Variants in TRAPPC9 observed in about 807,000 individuals in gnomAD.
TRAPPC9 encodes trafficking protein particle complex subunit 9, also known as IKK2 binding protein.
A neutral mutation model predicts 124.0 loss-of-function variants in TRAPPC9; 83 were observed. The observed-to-expected ratio is 0.67, with a 90% CI of 0.56 to 0.80. The LOEUF is 0.80. TRAPPC9 is among the 30% of genes least tolerant of loss of function. TRAPPC9 has a pLI of 0.00. For missense variants in TRAPPC9, 1,302 were observed against 1,508.3 expected (o/e 0.86, Z 2.27); for synonymous variants, 638 against 617.5 (o/e 1.03, Z -0.49).
chr8:140,115,363 G>A (rs1359269790), intron 17 of TRAPPC9, among the ~76,000 whole-genome samples: 1 of 151,712 alleles, frequency 6.6e-6, no homozygotes, highest in Non-Finnish European at 1.5e-5. Context: ...TGCCTCCCAG[G>A]TTCAAGCAAC....
rs558279734 is a variant in TRAPPC9 at position 139,825,640 on chromosome 8, A to G, written c.3055+60239T>C. Among the ~76,000 whole-genome samples, 1 of 152,256 alleles carries G rather than the reference A, an allele frequency of 6.6e-6. No individual in the cohort carries two copies. Among genetic ancestry groups the G allele is most frequent in the South Asian group, 2.1e-4 (1 of 4,826 alleles). ...GAAAAAAGTCACTTCCACCCGGGGG[A>G]AATTTCATGGCTCTGGTTTGTTTGC... On this transcript the variant is annotated intron_variant, in intron 21 of 22. Coordinates refer to ENST00000438773, the MANE Select transcript of TRAPPC9 (RefSeq NM_001160372.4). The surrounding 1 kb of genome is among the most constrained non-coding windows in gnomAD (Gnocchi z 4.6).
In TRAPPC9 at chr8:140,270,903, C is replaced by A. The variant is rs138162362; in HGVS notation, c.2278+4755G>T. On this transcript the variant is annotated intron_variant, in intron 15 of 22. Coordinates refer to ENST00000438773, the MANE Select transcript of TRAPPC9 (RefSeq NM_001160372.4). ...CCACACAGGGCCGCGGGGGCCAGGG[C>A]GACAGCAGCCACTCATGGATTTCTG... Among the ~76,000 whole-genome samples, 57 of 152,248 alleles carry A rather than the reference C, an allele frequency of 3.7e-4. No homozygotes were observed. The East Asian group carries it at 4.8e-3, about 13-fold the overall frequency.
intron 16 of TRAPPC9, among the ~76,000 whole-genome samples, chr8:140,227,471 T>C (rs1451769665): frequency 6.6e-6 from 1 of 152,178 alleles, no homozygotes; most frequent in Non-Finnish European, 1.5e-5. Flanking sequence ...TGGTAGATCA[T>C]CATGAATAAA....
intron 18 of TRAPPC9, among the ~76,000 whole-genome samples, chr8:140,006,577 T>C (rs1285368876): frequency 1.3e-5 from 2 of 152,186 alleles, no homozygotes; most frequent in Non-Finnish European, 1.5e-5. Context: ...TTATTCACAA[T>C]AGCAGAAAAG....
intron 18 of TRAPPC9, among the ~76,000 whole-genome samples, chr8:140,013,125 C>G (rs1357295570): frequency 6.6e-6 from 1 of 152,180 alleles, no homozygotes; most frequent in Non-Finnish European, 1.5e-5. Context: ...ATAATTAATG[C>G]TTTTGTGAAA....
At chr8:140,026,239 T>C (rs2131938698) in intron 17 of TRAPPC9, among the ~76,000 whole-genome samples, 1 of 152,316 alleles carries the variant, frequency 6.6e-6, no homozygotes, top group South Asian at 2.1e-4. Flanking sequence ...TACTCATCCA[T>C]TCGTCTGTCA....
chr8:140,076,168 T>G (rs886993014), intron 17 of TRAPPC9, among the ~76,000 whole-genome samples: 2 of 152,198 alleles, frequency 1.3e-5, no homozygotes, highest in African/African-American at 4.8e-5. Context: ...AGCAGCACTG[T>G]GACGAGTCTA....
intron 17 of TRAPPC9, among the ~76,000 whole-genome samples, chr8:140,054,131 C>G (rs1378817448): frequency 1.3e-5 from 2 of 152,120 alleles, no homozygotes; most frequent in African/African-American, 4.8e-5. Flanking sequence ...TGGCTACACA[C>G]AGACATAAAG....
intron 19 of TRAPPC9, among the ~76,000 whole-genome samples, chr8:139,944,058 A>G (rs1171838257): frequency 6.6e-6 from 1 of 152,208 alleles, no homozygotes; most frequent in Non-Finnish European, 1.5e-5. Flanking sequence ...TAATCTTAAG[A>G]ACTTTGGCAA....
intron 1 of TRAPPC9, among the ~76,000 whole-genome samples, chr8:140,455,921 C>T (rs755067323): frequency 6.6e-6 from 1 of 152,160 alleles, no homozygotes; most frequent in Non-Finnish European, 1.5e-5. Context: ...ATACAAAAGG[C>T]CACATGTTGT....
At chr8:140,294,371 TC>T (rs1222231060) in intron 11 of TRAPPC9, among the ~76,000 whole-genome samples, 1 of 152,048 alleles carries the variant, frequency 6.6e-6, no homozygotes, top group African/African-American at 2.4e-5. Context: ...ATGGTCAGCA[TC>T]CCAGACCACT....
intron 5 of TRAPPC9, among the ~76,000 whole-genome samples, chr8:140,406,225 G>A (rs1446865335): frequency 6.6e-6 from 1 of 152,084 alleles, no homozygotes; most frequent in Non-Finnish European, 1.5e-5. Flanking sequence ...AAACCCACAT[G>A]GACAAGCATT....
intron 17 of TRAPPC9, among the ~76,000 whole-genome samples, chr8:140,219,183 G>T (rs191635038): frequency 1.5e-3 from 233 of 152,184 alleles, no homozygotes; most frequent in African/African-American, 5.3e-3. Context: ...AATAAATCAG[G>T]GAAGAAAGGA....
intron 19 of TRAPPC9, among the ~76,000 whole-genome samples, chr8:139,980,493 G>A (rs1212132791): frequency 3.3e-5 from 5 of 152,204 alleles, no homozygotes; most frequent in Non-Finnish European, 5.9e-5. Flanking sequence ...CCAGCCGTGC[G>A]ATCTGGAGGG....
In TRAPPC9 at chr8:140,252,887, G is replaced by T. The variant is rs1213193832; in HGVS notation, c.2321C>A (p.Thr774Asn). ...AGGCTGCAAAGGGAACTGGGCAAGGGTTTCCTCTAGCTTCCAGCTCAAGAA... is the reference window on the plus strand; with the variant it reads ...AGGCTGCAAAGGGAACTGGGCAAGGTTTTCCTCTAGCTTCCAGCTCAAGAA... Reference protein sequence around the residue: ...GDFLSWKLEETLAQFPLQPGK... With the variant: ...GDFLSWKLEENLAQFPLQPGK... Residue 774 changes from threonine (T) to asparagine (N), a missense_variant, in exon 16 of 23, where the codon ACC becomes AAC. By Grantham distance (65) the Thr-to-Asn change is moderately conservative. Around this residue, in one of 3 missense-constraint regions of TRAPPC9, gnomAD observed 640 missense variants for 679.3 expected, o/e 0.94. Transcript: ENST00000438773. This position sits in a 1 kb window ranked among gnomAD's most constrained non-coding sequence, Gnocchi z 4.2. 4 of 1,614,102 alleles carry T rather than the reference G, an allele frequency of 2.5e-6. No individual in the cohort carries two copies. The highest frequency in any genetic ancestry group is 2.5e-6 in the Non-Finnish European group (3 of 1,180,026).
intron 18 of TRAPPC9, among the ~76,000 whole-genome samples, chr8:140,002,694 T>C (rs1180897656): frequency 6.6e-6 from 1 of 152,024 alleles, no homozygotes. Flanking sequence ...GGTGAAAGAA[T>C]ATCCACATAG....
intron 19 of TRAPPC9, among the ~76,000 whole-genome samples, chr8:139,940,411 T>C (rs1423045925): frequency 6.6e-6 from 1 of 152,256 alleles, no homozygotes; most frequent in Non-Finnish European, 1.5e-5. Context: ...TTCAATTTCA[T>C]ACTGTGAAAA....
chr8:139,841,201 G>A (rs909514322), intron 21 of TRAPPC9, among the ~76,000 whole-genome samples: 3 of 152,032 alleles, frequency 2.0e-5, no homozygotes, highest in African/African-American at 7.2e-5. Context: ...GCATCACTCC[G>A]CCCTCCTCTT....
chr8:139,858,412 C>T (rs772641766), intron 21 of TRAPPC9, among the ~76,000 whole-genome samples: 8 of 152,238 alleles, frequency 5.3e-5, no homozygotes, highest in Non-Finnish European at 8.8e-5. Context: ...GCTCCTCTGC[C>T]GGGCTCCTCC....
Sources: gnomAD v4.1 joint callset for allele counts (sites outside exome capture counted in the v4.1 genomes callset) on GRCh38, gnomAD v4.1.1 for gene constraint, gnomAD v4.1.1 regional missense constraint, Gnocchi (gnomAD v3.1) non-coding constraint, MANE v1.5 for transcripts, NCBI Gene and HGNC (gene_info 2026-07-23, HGNC 2026-07-21) for gene names.